UBE4A: variants seen among roughly 807,000 people sequenced by gnomAD.
UBE4A encodes the protein ubiquitination factor E4A.
UBE4A carries 48 observed loss-of-function variants against 117.9 expected under a neutral mutation model. The ratio of observed to expected loss-of-function variants is 0.41; its 90% confidence interval spans 0.32 to 0.52. The LOEUF (loss-of-function observed/expected upper bound fraction) is 0.52, where lower values mean the gene tolerates loss of function less well. UBE4A is among the 20% of genes least tolerant of loss of function. The pLI is 0.33. For synonymous variants in UBE4A, 407 were observed against 450.0 expected (o/e 0.90, Z 1.21); for missense variants, 1,067 against 1,296.3 (o/e 0.82, Z 2.72).
Position 118,396,544 on chromosome 11 carries a change from TTTC to T in UBE4A, c.*107_*109del. The T allele has an allele frequency of 5.2e-6, 7 of 1,337,772 alleles. No homozygotes were observed. Among genetic ancestry groups the T allele is most frequent in the South Asian group, 3.0e-5 (2 of 66,200 alleles). 82.9% of individuals were successfully genotyped at this position (1,337,772 alleles called of 1,614,324 possible). ...TGTTCCTTTTCTTTCTTCTTTTCTT[TTTC>T]TTTTTTTTTTTTTTTTTTACTAAAT... On this transcript the variant is annotated 3_prime_UTR_variant, in exon 20 of 20. Coordinates refer to ENST00000252108, the MANE Select transcript of UBE4A (RefSeq NM_001204077.2).
chr11:118,390,867 T>C, intron 18 of UBE4A, 63 bp downstream of exon 18: 1 of 1,582,348 alleles, frequency 6.3e-7, no homozygotes, highest in Non-Finnish European at 8.6e-7. Context: ...CCAGGCATGA[T>C]GGCTCAAGCC....
rs5795126 is a variant in UBE4A at position 118,396,547 on chromosome 11, C to CTTTTTTTT, written c.*118_*125dup. The stretch of plus-strand genomic sequence containing the variant: ...TCCTTTTCTTTCTTCTTTTCTTTTT[C>CTTTTTTTT]TTTTTTTTTTTTTTTTTTACTAAAT... On this transcript the variant is annotated 3_prime_UTR_variant, in exon 20 of 20. Coordinates refer to ENST00000252108, the MANE Select transcript of UBE4A (RefSeq NM_001204077.2). The CTTTTTTTT allele has an allele frequency of 2.0e-5, 16 of 817,842 alleles. No homozygotes were observed. Among genetic ancestry groups the CTTTTTTTT allele is most frequent in the East Asian group, 1.0e-4 (2 of 19,704 alleles). 50.7% of individuals were successfully genotyped at this position (817,842 alleles called of 1,614,324 possible).
chr11:118,376,702 C>G lies in UBE4A; in HGVS notation c.1571+8C>G. ...GTACTTGGGATTTCACAGGTAACTCCTCTGATGTCATTAGGAAAAAACAGT... is the reference window on the plus strand; with the variant it reads ...GTACTTGGGATTTCACAGGTAACTCGTCTGATGTCATTAGGAAAAAACAGT... On this transcript the variant is annotated splice_region_variant and intron_variant, in intron 10 of 19. Coordinates refer to ENST00000252108, the MANE Select transcript of UBE4A (RefSeq NM_001204077.2). 1 of 1,611,816 alleles carries G rather than the reference C, an allele frequency of 6.2e-7. No homozygotes were observed. The highest frequency in any genetic ancestry group is 8.5e-7 in the Non-Finnish European group (1 of 1,179,244).
intron 11 of UBE4A, among the ~76,000 whole-genome samples, chr11:118,380,416 C>G (rs1173698721): frequency 1.3e-5 from 2 of 151,722 alleles, no homozygotes; most frequent in East Asian, 1.9e-4. Flanking sequence ...GACCCTATCT[C>G]TACAAAAAAT....
intron 11 of UBE4A, among the ~76,000 whole-genome samples, chr11:118,380,731 G>T (rs1948698098): frequency 6.6e-6 from 1 of 152,158 alleles, no homozygotes; most frequent in African/African-American, 2.4e-5. Flanking sequence ...AGGGCTGGAG[G>T]ATCCACTTAC....
chr11:118,385,476 T>C (rs1166450335), intron 15 of UBE4A, among the ~76,000 whole-genome samples: 1 of 152,258 alleles, frequency 6.6e-6, no homozygotes, highest in African/African-American at 2.4e-5. Context: ...CACTGCCTTC[T>C]AAATTCTTAG....
Position 118,375,034 on chromosome 11 carries a change from A to C in UBE4A, c.1255A>C (p.Asn419His), listed in dbSNP as rs782324738. Residue 419 changes from asparagine (N) to histidine (H), a missense_variant, in exon 9 of 20, where the codon AAT becomes CAT. Transcript: ENST00000252108. Reference sequence around the variant, plus strand: ...TGCAGGCCGCACCAAGATTTGGGCCAATCAGATGCCAGAAATCTTTTTCCA... The same window carrying C: ...TGCAGGCCGCACCAAGATTTGGGCCCATCAGATGCCAGAAATCTTTTTCCA... ...ANAGRTKIWA[N>H]QMPEIFFQMY... 6.2e-7 allele frequency: 1 copy of C among 1,614,178 alleles called. No individual in the cohort carries two copies. Among genetic ancestry groups the C allele is most frequent in the South Asian group, 1.1e-5 (1 of 91,082 alleles).
chr11:118,365,889 G>T (rs1368889676), intron 2 of UBE4A, among the ~76,000 whole-genome samples: 1 of 152,194 alleles, frequency 6.6e-6, no homozygotes, highest in Non-Finnish European at 1.5e-5. Flanking sequence ...CCTATAAGGA[G>T]ACATATACAC....
chr11:118,395,669 T>A (rs1322412771), intron 19 of UBE4A, among the ~76,000 whole-genome samples: 1 of 152,242 alleles, frequency 6.6e-6, no homozygotes, highest in Non-Finnish European at 1.5e-5. Context: ...TACACTGACA[T>A]GAATGTATAG....
At chr11:118,385,107 C>G (rs1437150893) in intron 15 of UBE4A, among the ~76,000 whole-genome samples, 162 bp downstream of exon 15, 1 of 152,100 alleles carries the variant, frequency 6.6e-6, no homozygotes, top group East Asian at 1.9e-4. Flanking sequence ...CCAAGCTTGT[C>G]ATTATAGAGC....
intron 16 of UBE4A, 135 bp downstream of exon 16, chr11:118,386,747 C>A: frequency 9.8e-7 from 1 of 1,019,146 alleles, no homozygotes; most frequent in Non-Finnish European, 1.4e-6. Flanking sequence ...GGAAACGAAT[C>A]ACTTGAGAAG....
chr11:118,392,466 C>A (rs1948828346), intron 18 of UBE4A, among the ~76,000 whole-genome samples: 1 of 152,186 alleles, frequency 6.6e-6, no homozygotes, highest in South Asian at 2.1e-4. Context: ...TGATGTATTT[C>A]TTTTCCTCCT....
chr11:118,378,931 C>G (rs1480310454), intron 10 of UBE4A: 2 of 153,772 alleles, frequency 1.3e-5, no homozygotes, highest in Non-Finnish European at 2.9e-5. Flanking sequence ...GAGCTGGAAG[C>G]TGCTCTTAGA....
Position 118,389,917 on chromosome 11 carries a change from T to G in UBE4A, c.2768+12T>G. 1.9e-6 allele frequency: 3 copies of G among 1,560,274 alleles called. No homozygotes were observed. Among genetic ancestry groups the G allele is most frequent in the Non-Finnish European group, 1.8e-6 (2 of 1,140,828 alleles). ...TACTTAAATCTTGGGTACCTGAGAT[T>G]GAAATCTGTCAAGCCAGAGGGGATG... On this transcript the variant is annotated intron_variant, in intron 17 of 19. Transcript: ENST00000252108.
At chr11:118,364,421 G>A (rs1948546766) in intron 1 of UBE4A, among the ~76,000 whole-genome samples, 1 of 152,052 alleles carries the variant, frequency 6.6e-6, no homozygotes, top group East Asian at 1.9e-4. Context: ...AGAAATATCA[G>A]TATTTTTAAG....
rs1189557374 is a variant in UBE4A, at chr11:118,399,211, A to G, written c.*2771A>G. The G allele has an allele frequency of 2.8e-6, 1 of 351,900 alleles. No individual in the cohort carries two copies. Among genetic ancestry groups the G allele is most frequent in the African/African-American group, 2.1e-5 (1 of 46,766 alleles). 21.8% of individuals were successfully genotyped at this position (351,900 alleles called of 1,614,324 possible). On this transcript the variant is annotated 3_prime_UTR_variant, in exon 20 of 20. Coordinates refer to ENST00000252108, the MANE Select transcript of UBE4A (RefSeq NM_001204077.2). ...TTAATAAATGAACATCTGACTTACA[A>G]CCTTTGTTATCACTTTATTCCAGTA...
At chr11:118,371,991 G>T (rs1371521182) in intron 5 of UBE4A, among the ~76,000 whole-genome samples, 1 of 152,156 alleles carries the variant, frequency 6.6e-6, no homozygotes, top group Non-Finnish European at 1.5e-5. Flanking sequence ...TGGGCACAGT[G>T]GCTCACTCCT....
chr11:118,389,284 A>G (rs1409888001), intron 16 of UBE4A, among the ~76,000 whole-genome samples: 1 of 152,234 alleles, frequency 6.6e-6, no homozygotes, highest in Non-Finnish European at 1.5e-5. Context: ...TTTAATAGCC[A>G]CATATGGCCA....
Position 118,376,693 on chromosome 11 carries a change from AG to A in UBE4A, c.1571+1del. On this transcript the variant is annotated frameshift_variant and splice_region_variant, in exon 10 of 20. Coordinates refer to ENST00000252108, the MANE Select transcript of UBE4A (RefSeq NM_001204077.2). LOFTEE classifies it high-confidence loss of function. ...TEYTLYLGFH[R>X]LHDQMVKINQ... Reference sequence around the variant, plus strand: ...GTACACCTTGTACTTGGGATTTCACAGGTAACTCCTCTGATGTCATTAGGAA... The same window carrying A: ...GTACACCTTGTACTTGGGATTTCACAGTAACTCCTCTGATGTCATTAGGAA... The A allele has an allele frequency of 1.2e-6, 2 of 1,613,358 alleles. No homozygotes were observed. Among genetic ancestry groups the A allele is most frequent in the Non-Finnish European group, 1.7e-6 (2 of 1,179,678 alleles).
Sources: allele counts gnomAD v4.1 joint callset (sites outside exome capture counted in the v4.1 genomes callset), GRCh38; gene constraint gnomAD v4.1.1; transcripts MANE v1.5; gene names NCBI Gene and HGNC (gene_info 2026-07-23, HGNC 2026-07-21).